The following POM121 variants were observed in gnomAD, a reference collection of about 807,000 sequenced individuals.
POM121 encodes POM121 transmembrane nucleoporin.
A neutral mutation model predicts 81.3 loss-of-function variants in POM121; 32 were observed. The observed-to-expected ratio is 0.39, with a 90% CI of 0.30 to 0.53. The LOEUF is 0.53. Among genes scored for constraint, POM121 ranks in the 20% least tolerant of loss-of-function variants. The pLI is 0.66. For synonymous variants in POM121, 514 were observed against 694.2 expected (o/e 0.74, Z 4.08); for missense variants, 1,138 against 1,614.6 (o/e 0.70, Z 5.06).
At chr7:72,920,559 T>G (rs1408858695), upstream of POM121, among the ~76,000 whole-genome samples, 6 of 152,056 alleles carry the variant, frequency 3.9e-5, no homozygotes, top group South Asian at 6.2e-4. Context: ...TTTCACCATG[T>G]TAGCCAGGAT....
At chr7:72,902,852 T>C (rs562701864) in intron 3 of POM121, among the ~76,000 whole-genome samples, 41 of 152,326 alleles carry the variant, frequency 2.7e-4, no homozygotes, top group African/African-American at 9.6e-4. Context: ...TTTCTATTTC[T>C]GTATCGATGT....
intron 11 of POM121, among the ~76,000 whole-genome samples, chr7:72,944,082 A>G (rs1391688683): frequency 6.6e-6 from 1 of 152,234 alleles, no homozygotes; most frequent in East Asian, 1.9e-4. Context: ...GGCACAGCAC[A>G]AGTGGACATG....
At chr7:72,943,679 C>G (rs1196392560) in intron 11 of POM121, among the ~76,000 whole-genome samples, 157 bp downstream of exon 11, 1 of 151,602 alleles carries the variant, frequency 6.6e-6, no homozygotes, top group Non-Finnish European at 1.5e-5. Flanking sequence ...GTTTTGCTAA[C>G]GTAGTAATGA....
chr7:72,930,556 G>A (rs2129578283), intron 5 of POM121, among the ~76,000 whole-genome samples: 1 of 152,308 alleles, frequency 6.6e-6, no homozygotes, highest in African/African-American at 2.4e-5. Context: ...AGCTTGTATT[G>A]GGTCGTAAAA....
chr7:72,917,606 A>G (rs1397052469), intron 4 of POM121, among the ~76,000 whole-genome samples: 3 of 152,224 alleles, frequency 2.0e-5, no homozygotes, highest in Non-Finnish European at 4.4e-5. Flanking sequence ...GCCACAGACC[A>G]TGTGGTTTCA....
intron 4 of POM121, among the ~76,000 whole-genome samples, chr7:72,929,476 C>T (rs1375612820): frequency 1.3e-5 from 2 of 152,004 alleles, no homozygotes; most frequent in Non-Finnish European, 2.9e-5. Context: ...ATGATGGGTT[C>T]CTCTTAACTC....
chr7:72,924,841 T>G, upstream of POM121: 1 of 414,556 alleles, frequency 2.4e-6, no homozygotes, highest in East Asian at 4.1e-5. Context: ...GGATTAGGAA[T>G]TACGTAAGCA....
At position 72,926,770 on chromosome 7, in the gene POM121, T is replaced by C. The variant is rs540785922; in HGVS notation, c.861-32T>C. On this transcript the variant is annotated intron_variant, in intron 2 of 12. Transcript: ENST00000434423. ...GCTATATGGCATGGGAATTAAAATA[T>C]CTTACAGCTAGAATCTTGTCTTTCA... 10 of 1,607,210 alleles carry C rather than the reference T, an allele frequency of 6.2e-6. No homozygotes were observed. In the East Asian group the frequency reaches 2.2e-4, roughly 36 times the overall value.
Position 72,928,437 on chromosome 7 carries a change from A to G in POM121, c.1075A>G (p.Asn359Asp). 2 of 1,614,234 alleles carry G rather than the reference A, an allele frequency of 1.2e-6. No homozygotes were observed. The highest frequency in any genetic ancestry group is 1.3e-5 in the African/African-American group (1 of 75,070). ...TTCAGCATTTGAGCCCCTGGTGGCC[A>G]ATGGAGTCCCCGCTTCTTTTGTGCC... ...GHSAFEPLVA[N>D]GVPASFVPKP... is the part of the protein sequence containing the mutation. The change falls in exon 4 of 13, where the codon AAT becomes GAT. Residue 359 changes from asparagine (N) to aspartate (D), a missense_variant. Transcript: ENST00000434423.
intron 10 of POM121, among the ~76,000 whole-genome samples, chr7:72,941,287 T>C (rs1554500954): frequency 1.3e-5 from 2 of 152,166 alleles, no homozygotes; most frequent in Non-Finnish European, 2.9e-5. Context: ...CTCTGAAGTG[T>C]GAATGTGGTG....
At chr7:72,929,831 G>A (rs563607764) in intron 4 of POM121, 109 bp from the exon 5 acceptor site, 4 of 1,391,026 alleles carry the variant, frequency 2.9e-6, no homozygotes, top group African/African-American at 2.9e-5. Context: ...AAAATTAAAA[G>A]CATTATTCTC....
At chr7:72,933,159 C>T (rs1461167063) in intron 5 of POM121, among the ~76,000 whole-genome samples, 2 of 151,958 alleles carry the variant, frequency 1.3e-5, no homozygotes, top group African/African-American at 4.8e-5. Flanking sequence ...TGAGACCAGC[C>T]TGGCCAACGT....
In POM121 at chr7:72,926,937, C is replaced by A. The variant is rs201082459; in HGVS notation, c.996C>A (p.Phe332Leu). ...KRTVEEEDQIFLDGQENKRRR... is the reference protein window; with the variant it reads ...KRTVEEEDQILLDGQENKRRR... ...CAGTGGAGGAAGAAGACCAAATATTCCTTGATGGCCAGGAAAATAAAAGAA... is the reference window on the plus strand; with the variant it reads ...CAGTGGAGGAAGAAGACCAAATATTACTTGATGGCCAGGAAAATAAAAGAA... Residue 332 changes from phenylalanine to leucine, a missense_variant, in exon 3 of 13, where the codon TTC becomes TTA. Coordinates refer to ENST00000434423, the MANE Select transcript of POM121 (RefSeq NM_001387691.1). 1.4e-5 allele frequency: 23 copies of A among 1,613,942 alleles called. No homozygotes were observed. In the Admixed American group the frequency reaches 1.7e-4, roughly 12 times the overall value.
downstream of POM121, chr7:72,949,755 G>C (rs3864363): frequency 4.7e-6 from 4 of 852,532 alleles, no homozygotes; most frequent in South Asian, 1.4e-5. Context: ...GCAGGAAAGA[G>C]TTAAGCGAAA....
At chr7:72,909,985 C>T (rs559632827) in intron 3 of POM121, among the ~76,000 whole-genome samples, 7 of 152,316 alleles carry the variant, frequency 4.6e-5, no homozygotes, top group African/African-American at 1.7e-4. Flanking sequence ...TTCCACATTG[C>T]CGTTGAGCTC....
chr7:72,923,589 ATTTTTT>A (rs1187827150), upstream of POM121, among the ~76,000 whole-genome samples: 31 of 88,764 alleles, frequency 3.5e-4, no homozygotes, highest in Admixed American at 1.7e-3. Context: ...CGCCCGGCTA[ATTTTTT>A]TTTTTTTTTT....
At chr7:72,919,298 A>G (rs114739832) in intron 4 of POM121, among the ~76,000 whole-genome samples, 2,368 of 149,698 alleles carry the variant, frequency 0.016, 43 homozygotes, top group African/African-American at 0.054. Context: ...TCATTCCTCA[A>G]TTATATTTTA....
rs1301309934 is a variant in POM121 at position 72,946,278 on chromosome 7, T to C, written c.*44T>C. On this transcript the variant is annotated 3_prime_UTR_variant, in exon 13 of 13. Coordinates refer to ENST00000434423, the MANE Select transcript of POM121 (RefSeq NM_001387691.1). Reference sequence around the variant, plus strand: ...GTTCCCCCCACCCCTTCCCTAAATCTGGACCTTGGCACCTGCTAGGAAGAG... The same window carrying C: ...GTTCCCCCCACCCCTTCCCTAAATCCGGACCTTGGCACCTGCTAGGAAGAG... 5.0e-6 allele frequency: 8 copies of C among 1,604,136 alleles called. No individual in the cohort carries two copies. Among genetic ancestry groups the C allele is most frequent in the South Asian group, 1.1e-5 (1 of 90,292 alleles).
At chr7:72,887,758 C>G (rs1284943229) in intron 1 of POM121, among the ~76,000 whole-genome samples, 3 of 152,146 alleles carry the variant, frequency 2.0e-5, no homozygotes, top group Admixed American at 2.0e-4. Context: ...TCCCGGGAGA[C>G]AGAGGTTGCA....
Sources: gnomAD v4.1 joint callset for allele counts (sites outside exome capture counted in the v4.1 genomes callset) on GRCh38, gnomAD v4.1.1 for gene constraint, MANE v1.5 for transcripts, NCBI Gene and HGNC (gene_info 2026-07-23, HGNC 2026-07-21) for gene names.